Variants in TPX2 observed in about 807,000 individuals in gnomAD.
The protein encoded by TPX2 is TPX2 microtubule nucleation factor, also known as targeting protein for Xklp2.
In TPX2, 21 loss-of-function variants were observed where a neutral mutation model predicts 93.6. The ratio of observed to expected loss-of-function variants is 0.22; its 90% confidence interval spans 0.16 to 0.32. The LOEUF (loss-of-function observed/expected upper bound fraction) is 0.32, where lower values mean the gene tolerates loss of function less well. TPX2 is among the 10% of genes least tolerant of loss of function. The pLI is 1.00. For missense variants in TPX2, 776 were observed against 871.1 expected (o/e 0.89, Z 1.37); for synonymous variants, 281 against 298.3 (o/e 0.94, Z 0.60).
Position 31,794,486 on chromosome 20 carries a change from G to A in TPX2, c.1771G>A (p.Glu591Lys). The A allele has an allele frequency of 6.2e-7, 1 of 1,614,114 alleles. No homozygotes were observed. Among genetic ancestry groups the A allele is most frequent in the Non-Finnish European group, 8.5e-7 (1 of 1,180,028 alleles). The change falls in exon 15 of 18, where the codon GAA becomes AAA. Residue 591 changes from glutamate to lysine, a missense_variant. Coordinates refer to ENST00000300403, the MANE Select transcript of TPX2 (RefSeq NM_012112.5). Reference protein sequence around the residue: ...EKKVKNVTQIEPFCLETDRRG... With the variant: ...EKKVKNVTQIKPFCLETDRRG... ...GAAGGTAAAGAATGTGACCCAGATT[G>A]AACCTTTCTGCTTGGAGACTGACAG...
intron 12 of TPX2, among the ~76,000 whole-genome samples, chr20:31,788,828 T>A (rs2062083321): frequency 6.6e-6 from 1 of 152,108 alleles, no homozygotes; most frequent in South Asian, 2.1e-4. Flanking sequence ...AGTGAGTAAT[T>A]TTAGCAGAGA....
chr20:31,748,799 A>G (rs1208730674), intron 2 of TPX2, among the ~76,000 whole-genome samples: 1 of 152,168 alleles, frequency 6.6e-6, no homozygotes, highest in African/African-American at 2.4e-5. Context: ...TTATAAAGAC[A>G]TCTATCTATT....
chr20:31,799,516 A>AT (rs372020355), intron 17 of TPX2, among the ~76,000 whole-genome samples: 1 of 152,200 alleles, frequency 6.6e-6, no homozygotes, highest in Non-Finnish European at 1.5e-5. Flanking sequence ...TAACAAATGC[A>AT]TTATCTCACA....
intron 4 of TPX2, among the ~76,000 whole-genome samples, chr20:31,764,607 T>C (rs1371360286): frequency 3.9e-5 from 6 of 152,196 alleles, no homozygotes; most frequent in Admixed American, 3.9e-4. Context: ...TTAAAGTGCA[T>C]TTTTTTGTAG....
chr20:31,748,648 A>G (rs548274385), intron 2 of TPX2, among the ~76,000 whole-genome samples: 1 of 152,314 alleles, frequency 6.6e-6, no homozygotes, highest in East Asian at 1.9e-4. Flanking sequence ...CTTGTGCATT[A>G]GAGAGACCCC....
At chr20:31,787,685 T>C (rs956966117) in intron 12 of TPX2, among the ~76,000 whole-genome samples, 1 of 152,232 alleles carries the variant, frequency 6.6e-6, no homozygotes, top group Admixed American at 6.5e-5. Flanking sequence ...GTTGCATTCT[T>C]TGTTCACATG....
chr20:31,789,756 A>C (rs78493599), intron 12 of TPX2, among the ~76,000 whole-genome samples: 2,079 of 152,276 alleles, frequency 0.014, 23 homozygotes, highest in South Asian at 0.039. Context: ...TTCATAAATC[A>C]TCTTTTCCTC....
At chr20:31,760,533 T>A (rs560478571) in intron 4 of TPX2, among the ~76,000 whole-genome samples, 97 of 152,268 alleles carry the variant, frequency 6.4e-4, no homozygotes, top group Non-Finnish European at 6.9e-4. Context: ...GACTGATTTT[T>A]AAAAAATTTT....
At chr20:31,743,222 A>G (rs1429932150) in intron 2 of TPX2, among the ~76,000 whole-genome samples, 2 of 152,102 alleles carry the variant, frequency 1.3e-5, no homozygotes, top group Non-Finnish European at 2.9e-5. Context: ...ACAAAACAAA[A>G]TTCTCAGATG....
In TPX2 at chr20:31,801,049, C is replaced by G; in HGVS notation, c.2213C>G (p.Ser738Cys). ...GACCAGCCTCTGACTGTGCCTGTAT[C>G]TCCCAAATTCTCCACTCGATTCCAC... ...SSDQPLTVPV[S>C]PKFSTRFHC Residue 738 changes from serine to cysteine, a missense_variant, in exon 18 of 18, where the codon TCT becomes TGT. Transcript: ENST00000300403. 1.2e-6 allele frequency: 2 copies of G among 1,614,206 alleles called. No homozygotes were observed. The highest frequency in any genetic ancestry group is 2.2e-5 in the South Asian group (2 of 91,086).
At chr20:31,769,318 CTTTTT>C (rs143158722) in intron 5 of TPX2, among the ~76,000 whole-genome samples, 2 of 121,876 alleles carry the variant, frequency 1.6e-5, no homozygotes, top group Non-Finnish European at 3.4e-5. Context: ...AATGATCACG[CTTTTT>C]TTTTTTTTTT....
intron 13 of TPX2, 128 bp from the exon 14 acceptor site, chr20:31,793,720 A>C (rs1437339144): frequency 1.1e-6 from 1 of 881,862 alleles, no homozygotes; most frequent in East Asian, 2.6e-5. Flanking sequence ...ATAGAAAAGG[A>C]AGCTAAGACT....
At chr20:31,765,116 G>A (rs954102787) in intron 4 of TPX2, among the ~76,000 whole-genome samples, 2 of 151,510 alleles carry the variant, frequency 1.3e-5, no homozygotes, top group African/African-American at 4.8e-5. Flanking sequence ...CACCATGTCT[G>A]GCTAACTTTC....
At chr20:31,798,656 T>TA in intron 17 of TPX2, 104 bp downstream of exon 17, 1 of 1,357,100 alleles carries the variant, frequency 7.4e-7, no homozygotes, top group Non-Finnish European at 9.8e-7. Flanking sequence ...CGCAAGGCTG[T>TA]ACCAAAGACA....
intron 4 of TPX2, among the ~76,000 whole-genome samples, chr20:31,761,552 G>C (rs1352169876): frequency 6.6e-6 from 1 of 151,896 alleles, no homozygotes; most frequent in Non-Finnish European, 1.5e-5. Flanking sequence ...TGTCCTTCAG[G>C]TTCATCCATG....
At chr20:31,755,390 G>A (rs1039153398) in intron 2 of TPX2, among the ~76,000 whole-genome samples, 1 of 152,042 alleles carries the variant, frequency 6.6e-6, no homozygotes, top group African/African-American at 2.4e-5. Context: ...CACTAGAAAG[G>A]TATTAATTTA....
rs146719918 is a variant in TPX2 at position 31,761,270 on chromosome 20, C to T, written c.229+1091C>T. Among the ~76,000 whole-genome samples the T allele has an allele frequency of 1.4e-3, 214 of 147,632 alleles. 1 individual carries two copies. Among genetic ancestry groups the T allele is most frequent in the East Asian group, 5.8e-3 (29 of 5,012 alleles). On this transcript the variant is annotated intron_variant, in intron 4 of 17. Transcript: ENST00000300403. ...AGGCAGGAGTGCAGTGGTATAGTCT[C>T]GGCTCACTGTAACCTCCACCACCTG...
At chr20:31,747,769 CTT>C (rs1236018315) in intron 2 of TPX2, among the ~76,000 whole-genome samples, 4 of 124,520 alleles carry the variant, frequency 3.2e-5, no homozygotes, top group Non-Finnish European at 3.4e-5. Flanking sequence ...ACGCATGTGC[CTT>C]TTTTTTTTTT....
chr20:31,777,748 G>A (rs946958660), intron 9 of TPX2, 110 bp downstream of exon 9: 1 of 1,164,412 alleles, frequency 8.6e-7, no homozygotes, highest in African/African-American at 1.6e-5. Context: ...AAAAAACCTT[G>A]TGTCTATAAA....
Sources: gnomAD v4.1 joint callset for allele counts (sites outside exome capture counted in the v4.1 genomes callset) on GRCh38, gnomAD v4.1.1 for gene constraint, MANE v1.5 for transcripts, NCBI Gene and HGNC (gene_info 2026-07-23, HGNC 2026-07-21) for gene names.